Variants in DNAH9 observed in about 807,000 individuals in gnomAD.
The protein encoded by DNAH9 is dynein axonemal heavy chain 9.
In DNAH9, 345 loss-of-function variants were observed where a neutral mutation model predicts 471.6. The observed-to-expected ratio is 0.73, with a 90% CI of 0.67 to 0.80. The LOEUF is 0.80. DNAH9 is among the 30% of genes least tolerant of loss of function. DNAH9 has a pLI of 0.00. For missense variants in DNAH9, 5,407 were observed against 5,609.2 expected (o/e 0.96, Z 1.15); for synonymous variants, 2,093 against 2,123.6 (o/e 0.99, Z 0.40).
At chr17:11,660,113 G>A (rs1352782628) in intron 14 of DNAH9, among the ~76,000 whole-genome samples, 1 of 151,846 alleles carries the variant, frequency 6.6e-6, no homozygotes, top group Non-Finnish European at 1.5e-5. Context: ...ATTAATTTAT[G>A]TTTTTTAGTA....
chr17:11,908,259 G>T (rs969572065), intron 61 of DNAH9, among the ~76,000 whole-genome samples: 3 of 152,320 alleles, frequency 2.0e-5, no homozygotes, highest in African/African-American at 7.2e-5. Flanking sequence ...AACCTGTGTT[G>T]TTCAAGGGTC....
chr17:11,963,806 T>C (rs1179979972), intron 68 of DNAH9, among the ~76,000 whole-genome samples: 1 of 152,200 alleles, frequency 6.6e-6, no homozygotes, highest in Non-Finnish European at 1.5e-5. Flanking sequence ...TCATTCCATA[T>C]AGGCTTGCAG....
chr17:11,646,900 C>A (rs1425673157), intron 11 of DNAH9, among the ~76,000 whole-genome samples, 172 bp from the exon 12 acceptor site: 1 of 152,028 alleles, frequency 6.6e-6, no homozygotes, highest in South Asian at 2.1e-4. Context: ...GCAACAAGAG[C>A]GAAACTCTGT....
chr17:11,677,961 A>G (rs1219306802), intron 17 of DNAH9, among the ~76,000 whole-genome samples: 1 of 151,992 alleles, frequency 6.6e-6, no homozygotes, highest in East Asian at 1.9e-4. Flanking sequence ...TATCATTCCT[A>G]GTAATTTAGA....
At chr17:11,631,008 C>G (rs1409758949) in intron 7 of DNAH9, among the ~76,000 whole-genome samples, 1 of 152,132 alleles carries the variant, frequency 6.6e-6, no homozygotes, top group Non-Finnish European at 1.5e-5. Context: ...CACACCTGGA[C>G]AGAATTTTAT....
chr17:11,665,024 T>C (rs2073843136), intron 15 of DNAH9, 56 bp downstream of exon 15: 1 of 1,517,562 alleles, frequency 6.6e-7, no homozygotes, highest in Admixed American at 1.8e-5. Context: ...ACAGTAACAT[T>C]TGTTGAATTA....
At chr17:11,887,373 A>C (rs1972911922) in intron 57 of DNAH9, among the ~76,000 whole-genome samples, 1 of 152,262 alleles carries the variant, frequency 6.6e-6, no homozygotes, top group African/African-American at 2.4e-5. Flanking sequence ...GCAGGCAATA[A>C]TAATACACCA....
chr17:11,834,987 A>G, intron 49 of DNAH9, 89 bp downstream of exon 49: 4 of 1,500,080 alleles, frequency 2.7e-6, no homozygotes, highest in Non-Finnish European at 3.6e-6. Flanking sequence ...TGCAAGGACA[A>G]TGTTGGGAGA....
Position 11,608,231 on chromosome 17 carries a change from TCA to T in DNAH9, c.521_522del (p.Ser174CysfsTer4), listed in dbSNP as rs764363749. 1 of 1,614,078 alleles carries T rather than the reference TCA, an allele frequency of 6.2e-7. No homozygotes were observed. The highest frequency in any genetic ancestry group is 1.1e-5 in the South Asian group (1 of 91,076). The stretch of plus-strand genomic sequence containing the variant: ...CGCCCACAGCCTCCAATGTGACCTC[TCA>T]GTTATACTTGAGCAAGTGAAGGGAA... ...RHAHSLQCDL[S>X]VILEQVKGKT... On this transcript the variant is annotated frameshift_variant, in exon 2 of 69. Coordinates refer to ENST00000262442, the MANE Select transcript of DNAH9 (RefSeq NM_001372.4). LOFTEE classifies it high-confidence loss of function.
intron 28 of DNAH9, among the ~76,000 whole-genome samples, chr17:11,736,335 T>C (rs2075346015): frequency 6.6e-6 from 1 of 152,216 alleles, no homozygotes; most frequent in South Asian, 2.1e-4. Context: ...AACGATGCAT[T>C]TTCGATAGAG....
intron 59 of DNAH9, among the ~76,000 whole-genome samples, chr17:11,898,675 A>C (rs1349923971): frequency 1.3e-5 from 2 of 152,188 alleles, no homozygotes; most frequent in Non-Finnish European, 2.9e-5. Flanking sequence ...ATTTGTCCAA[A>C]GAAGGAAAAA....
intron 12 of DNAH9, 32 bp from the exon 13 acceptor site, chr17:11,651,037 C>T (rs771257819): frequency 6.2e-6 from 10 of 1,603,034 alleles, no homozygotes; most frequent in Admixed American, 5.1e-5. Context: ...TATCACTGAA[C>T]GACAGACACT....
At chr17:11,898,738 C>T (rs1314316671) in intron 59 of DNAH9, among the ~76,000 whole-genome samples, 1 of 152,152 alleles carries the variant, frequency 6.6e-6, no homozygotes, top group African/African-American at 2.4e-5. Flanking sequence ...TGCCTCTGTT[C>T]GTATTACCCC....
At chr17:11,910,469 C>T (rs4792194) in intron 61 of DNAH9, among the ~76,000 whole-genome samples, 54,784 of 151,952 alleles carry the variant, frequency 0.36, 10,717 homozygotes, top group East Asian at 0.7. Flanking sequence ...TTGATGGACA[C>T]TTGGGCTATT....
At chr17:11,749,186 G>A (rs2005809) in intron 32 of DNAH9, among the ~76,000 whole-genome samples, 111,591 of 149,326 alleles carry the variant, frequency 0.75, 42,224 homozygotes, top group East Asian at 0.92. Flanking sequence ...CCAGGTTCAC[G>A]CCATTCTTCT....
At chr17:11,708,008 C>CAGAGAGAGAGAG (rs1567737016) in intron 26 of DNAH9, among the ~76,000 whole-genome samples, 1 of 47,170 alleles carries the variant, frequency 2.1e-5, no homozygotes, top group East Asian at 6.1e-4. Context: ...CACACACACA[C>CAGAGAGAGAGAG]ACACACAGAG....
intron 50 of DNAH9, among the ~76,000 whole-genome samples, chr17:11,861,114 G>A (rs1222283027): frequency 6.6e-6 from 1 of 151,392 alleles, no homozygotes; most frequent in Non-Finnish European, 1.5e-5. Context: ...CCATGCTGGT[G>A]CGCTGCACCC....
intron 48 of DNAH9, among the ~76,000 whole-genome samples, chr17:11,826,358 T>TGC (rs1555604386): frequency 1.3e-5 from 2 of 150,934 alleles, no homozygotes; most frequent in Admixed American, 1.3e-4. Flanking sequence ...GGCCGGAAGC[T>TGC]GGGGGGGTAA....
rs3074845 is a variant in DNAH9, at chr17:11,960,435, TAA to T, written c.12844-1406_12844-1405del. Reference sequence around the variant, plus strand: ...TGGGTGACAGAGCAAGACTCTGTCTTAAAAAAAAAAAAAAAAAAAAAAAAAAA... The same window carrying T: ...TGGGTGACAGAGCAAGACTCTGTCTTAAAAAAAAAAAAAAAAAAAAAAAAA... On this transcript the variant is annotated intron_variant, in intron 67 of 68. Coordinates refer to ENST00000262442, the MANE Select transcript of DNAH9 (RefSeq NM_001372.4). Among the ~76,000 whole-genome samples the T allele has an allele frequency of 4.8e-3, 257 of 54,036 alleles. 2 individuals carry two copies. Among genetic ancestry groups the T allele is most frequent in the African/African-American group, 0.017 (222 of 12,806 alleles). 35.4% of individuals were successfully genotyped at this position (54,036 alleles called of 152,430 possible).
Sources: gnomAD v4.1 joint callset for allele counts (sites outside exome capture counted in the v4.1 genomes callset) on GRCh38, gnomAD v4.1.1 for gene constraint, MANE v1.5 for transcripts, NCBI Gene and HGNC (gene_info 2026-07-23, HGNC 2026-07-21) for gene names.